STARD13: variants seen among roughly 807,000 people sequenced by gnomAD.
STARD13 encodes the protein stAR-related lipid transfer protein 13.
STARD13 carries 62 observed loss-of-function variants against 106.4 expected under a neutral mutation model. That is an observed-to-expected ratio of 0.58 (90% CI 0.48 to 0.72). STARD13 has a LOEUF of 0.72. Ranked by LOEUF, STARD13 falls within the 30% of genes least tolerant of loss-of-function variation. STARD13 has a pLI of 0.00. For synonymous variants in STARD13, 565 were observed against 553.0 expected (o/e 1.02, Z -0.31); for missense variants, 1,387 against 1,424.0 (o/e 0.97, Z 0.42).
At chr13:33,499,608 TTC>T in the STARD13 span, among the ~76,000 whole-genome samples, 55 of 71,060 alleles carry the variant, frequency 7.7e-4, 2 homozygotes, top group African/African-American at 2.4e-3. Context: ...TTCTTCTTTC[TTC>T]TTCTTCTTCT....
chr13:33,414,488 G>A, the STARD13 span, among the ~76,000 whole-genome samples: 1 of 152,080 alleles, frequency 6.6e-6, no homozygotes, highest in African/African-American at 2.4e-5. Context: ...AGTGATACAG[G>A]CAACAACCTA....
At chr13:33,345,333 C>T (rs2078006425), downstream of STARD13, among the ~76,000 whole-genome samples, 1 of 152,154 alleles carries the variant, frequency 6.6e-6, no homozygotes, top group African/African-American at 2.4e-5. Context: ...AGTACTTTTC[C>T]AGTTCTTTTT....
the STARD13 span, among the ~76,000 whole-genome samples, chr13:33,643,893 T>C: frequency 6.6e-6 from 1 of 152,190 alleles, no homozygotes; most frequent in Non-Finnish European, 1.5e-5. Flanking sequence ...GATGGGGAGA[T>C]GGGCTAAGAT....
the STARD13 span, among the ~76,000 whole-genome samples, chr13:33,641,851 A>T: frequency 6.6e-6 from 1 of 152,222 alleles, no homozygotes; most frequent in African/African-American, 2.4e-5. Flanking sequence ...TCTGTCCCAT[A>T]CAAACTACTG....
downstream of STARD13, among the ~76,000 whole-genome samples, chr13:33,344,642 G>A (rs959953240): frequency 2.0e-5 from 3 of 152,134 alleles, no homozygotes; most frequent in East Asian, 3.8e-4. Flanking sequence ...AAGAACTCAC[G>A]GAAATTTGGT....
At chr13:33,648,834 C>T in the STARD13 span, among the ~76,000 whole-genome samples, 1 of 142,320 alleles carries the variant, frequency 7.0e-6, no homozygotes, top group Non-Finnish European at 1.5e-5. Context: ...TCTTGTTGCC[C>T]AGGCTGGAGT....
intron 1 of STARD13, among the ~76,000 whole-genome samples, chr13:33,218,668 T>A (rs2138165638): frequency 6.6e-6 from 1 of 152,358 alleles, no homozygotes. Context: ...AACCTCCTTG[T>A]TAAATAGAAC....
the STARD13 span, among the ~76,000 whole-genome samples, chr13:33,659,027 G>T: frequency 6.6e-6 from 1 of 151,972 alleles, no homozygotes; most frequent in South Asian, 2.1e-4. Flanking sequence ...GAAGCTCTTT[G>T]CCCCCTTCCT....
the STARD13 span, among the ~76,000 whole-genome samples, chr13:33,356,832 A>C: frequency 1.3e-5 from 2 of 152,340 alleles, no homozygotes; most frequent in East Asian, 1.9e-4. Flanking sequence ...GAGAATTATA[A>C]ACTAGCACTG....
At chr13:33,420,361 C>T in the STARD13 span, among the ~76,000 whole-genome samples, 11,761 of 152,180 alleles carry the variant, frequency 0.077, 1,379 homozygotes, top group African/African-American at 0.26. Flanking sequence ...ACAAAGAAGG[C>T]CATTACATAA....
chr13:33,302,177 C>T (rs114163492), intron 1 of STARD13, among the ~76,000 whole-genome samples: 2,543 of 152,236 alleles, frequency 0.017, 70 homozygotes, highest in African/African-American at 0.058. Context: ...GCAACACTAC[C>T]TGATGCTGAG....
the STARD13 span, among the ~76,000 whole-genome samples, chr13:33,559,580 G>T: frequency 6.6e-6 from 1 of 151,548 alleles, no homozygotes; most frequent in Admixed American, 6.6e-5. Flanking sequence ...AAGAGGCCAG[G>T]CTCAGTGGCT....
the STARD13 span, among the ~76,000 whole-genome samples, chr13:33,389,445 A>G: frequency 6.6e-6 from 1 of 152,076 alleles, no homozygotes; most frequent in Non-Finnish European, 1.5e-5. Flanking sequence ...CTGGTGGAGG[A>G]GCGAGGGAGT....
chr13:33,448,406 G>C, the STARD13 span, among the ~76,000 whole-genome samples: 1 of 152,058 alleles, frequency 6.6e-6, no homozygotes, highest in Admixed American at 6.6e-5. Flanking sequence ...TAATTTAACA[G>C]GTTCATCCAT....
At position 33,130,151 on chromosome 13, in the gene STARD13, C is replaced by T. The variant is rs1365003933; in HGVS notation, c.526G>A (p.Gly176Arg). Residue 176 changes from glycine to arginine, a missense_variant, in exon 5 of 14, where the codon GGG becomes AGG. Gly to Arg is a moderately radical substitution (Grantham distance 125). Coordinates refer to ENST00000336934, the MANE Select transcript of STARD13 (RefSeq NM_178006.4). This position sits in a 1 kb window ranked among gnomAD's most constrained non-coding sequence, Gnocchi z 4.1. ...GDRNGSPGGT[G>R]MRNTTSSESV... is the part of the protein sequence containing the mutation. ...TCACTGCTGGTCGTGTTCCTCATCC[C>T]CGTGCCTCCCGGTGACCCATTTCTG... The T allele has an allele frequency of 6.2e-7, 1 of 1,614,132 alleles. No individual in the cohort carries two copies.
chr13:33,404,700 A>C, the STARD13 span, among the ~76,000 whole-genome samples: 3 of 152,030 alleles, frequency 2.0e-5, no homozygotes, highest in Non-Finnish European at 4.4e-5. Context: ...CTCACCAGAC[A>C]GTAATGTGAG....
chr13:33,137,904 G>C (rs953066000), intron 4 of STARD13, among the ~76,000 whole-genome samples: 1 of 152,096 alleles, frequency 6.6e-6, no homozygotes. Flanking sequence ...GAGATGCGGG[G>C]GTGTGCAAGG....
chr13:33,425,436 T>C, the STARD13 span, among the ~76,000 whole-genome samples: 1 of 152,190 alleles, frequency 6.6e-6, no homozygotes, highest in Non-Finnish European at 1.5e-5. Context: ...GCCAGGGTGC[T>C]CTTTCTCTCT....
At position 33,145,757 on chromosome 13, in the gene STARD13, C is replaced by T. The variant is rs190838236; in HGVS notation, c.324-3384G>A. On this transcript the variant is annotated intron_variant, in intron 3 of 13. Transcript: ENST00000336934. ...GAGTCATTATGCTAAGTAAAAGAAC[C>T]CAGACACAAAGAGCATACACTACAG... 2.6e-5 allele frequency among the ~76,000 whole-genome samples: 4 copies of T among 152,152 alleles called. No homozygotes were observed. The East Asian group carries it at 5.8e-4, about 22-fold the overall frequency.
Sources: gnomAD v4.1 joint callset for allele counts (sites outside exome capture counted in the v4.1 genomes callset) on GRCh38, gnomAD v4.1.1 for gene constraint, Gnocchi (gnomAD v3.1) non-coding constraint, MANE v1.5 for transcripts, NCBI Gene and HGNC (gene_info 2026-07-23, HGNC 2026-07-21) for gene names.